Variants in LSAMP observed in about 807,000 individuals in gnomAD.
The protein encoded by LSAMP is limbic system-associated membrane protein.
In LSAMP, 7 loss-of-function variants were observed where a neutral mutation model predicts 38.6. That is an observed-to-expected ratio of 0.18 (90% CI 0.10 to 0.34). LSAMP has a LOEUF of 0.34. Among genes scored for constraint, LSAMP ranks in the 10% least tolerant of loss-of-function variants. The pLI is 1.00. For missense variants in LSAMP, 313 were observed against 420.0 expected (o/e 0.75, Z 2.23); for synonymous variants, 154 against 166.8 (o/e 0.92, Z 0.59).
intron 2 of LSAMP, among the ~76,000 whole-genome samples, chr3:116,039,366 T>C (rs1158638564): frequency 6.6e-6 from 1 of 152,248 alleles, no homozygotes; most frequent in African/African-American, 2.4e-5. Context: ...ACCCTGCTTA[T>C]ACAATTTCAT....
intron 2 of LSAMP, among the ~76,000 whole-genome samples, chr3:116,028,067 T>TAA (rs1397765465): frequency 6.6e-6 from 1 of 152,160 alleles, no homozygotes; most frequent in African/African-American, 2.4e-5. Context: ...CCTGTTTATT[T>TAA]GCATATGTCA....
intron 3 of LSAMP, among the ~76,000 whole-genome samples, chr3:116,000,014 A>G (rs950741046): frequency 1.3e-5 from 2 of 152,092 alleles, no homozygotes; most frequent in African/African-American, 4.8e-5. Flanking sequence ...GTGTGTGTGC[A>G]TGTATCTGTG....
chr3:116,171,574 C>A (rs77102742), intron 1 of LSAMP, among the ~76,000 whole-genome samples: 2,047 of 152,090 alleles, frequency 0.013, 35 homozygotes, highest in African/African-American at 0.04. Context: ...CATATTTTTG[C>A]CAGCAAGTAT....
At chr3:116,357,084 C>T (rs535064725) in intron 1 of LSAMP, among the ~76,000 whole-genome samples, 12 of 152,286 alleles carry the variant, frequency 7.9e-5, no homozygotes, top group African/African-American at 2.2e-4. Context: ...TGAGCCATCG[C>T]GCCCGGCTAG....
At chr3:116,366,891 T>C (rs756038677) in intron 1 of LSAMP, among the ~76,000 whole-genome samples, 21 of 152,150 alleles carry the variant, frequency 1.4e-4, no homozygotes, top group Non-Finnish European at 2.6e-4. Context: ...CCACATTATC[T>C]TCCTGAGCCA....
At chr3:115,834,458 T>A (rs1934718093) in intron 6 of LSAMP, 1 of 863,168 alleles carries the variant, frequency 1.2e-6, no homozygotes, top group Admixed American at 2.4e-5. Context: ...TTATATTGTA[T>A]GTGAATTTTT....
intron 1 of LSAMP, among the ~76,000 whole-genome samples, chr3:116,284,067 G>T (rs1167369806): frequency 6.6e-6 from 1 of 152,114 alleles, no homozygotes; most frequent in Non-Finnish European, 1.5e-5. Context: ...ATATAAGTTT[G>T]TGATTGTTTT....
At chr3:115,924,751 A>G (rs1937460223) in intron 3 of LSAMP, among the ~76,000 whole-genome samples, 1 of 152,184 alleles carries the variant, frequency 6.6e-6, no homozygotes, top group African/African-American at 2.4e-5. Flanking sequence ...ATGCTTAAAT[A>G]AATGTCGGGT....
chr3:115,814,724 G>A (rs576656714), intron 6 of LSAMP, among the ~76,000 whole-genome samples: 1 of 152,136 alleles, frequency 6.6e-6, no homozygotes, highest in African/African-American at 2.4e-5. Context: ...TCAGCCATAC[G>A]AGAAAAAAAG....
chr3:115,916,150 G>A (rs1937246717), intron 3 of LSAMP, among the ~76,000 whole-genome samples: 1 of 152,030 alleles, frequency 6.6e-6, no homozygotes, highest in African/African-American at 2.4e-5. Flanking sequence ...AGCAGACAAA[G>A]AAGGCCACAG....
intron 1 of LSAMP, among the ~76,000 whole-genome samples, chr3:116,436,448 A>G (rs1277055806): frequency 2.0e-5 from 3 of 152,202 alleles, no homozygotes; most frequent in African/African-American, 4.8e-5. Context: ...CAATCTATAC[A>G]TCTGACAAAG....
intron 3 of LSAMP, among the ~76,000 whole-genome samples, chr3:116,001,935 T>C (rs899910484): frequency 2.0e-5 from 3 of 152,218 alleles, no homozygotes; most frequent in African/African-American, 7.2e-5. Flanking sequence ...GAGGTTCAAA[T>C]ATAGACATCT....
intron 1 of LSAMP, among the ~76,000 whole-genome samples, chr3:116,306,810 G>C (rs113320572): frequency 0.011 from 1,640 of 152,124 alleles, 7 homozygotes; most frequent in Non-Finnish European, 0.017. Flanking sequence ...CAGCAATAAA[G>C]GGGTATAACT....
At chr3:116,248,202 G>A (rs2046627820) in intron 1 of LSAMP, among the ~76,000 whole-genome samples, 1 of 152,148 alleles carries the variant, frequency 6.6e-6, no homozygotes, top group Non-Finnish European at 1.5e-5. Context: ...TTGGGAGCAG[G>A]GAAGGGCCAT....
chr3:116,418,873 C>T (rs905428147), intron 1 of LSAMP, among the ~76,000 whole-genome samples: 2 of 152,176 alleles, frequency 1.3e-5, no homozygotes, highest in South Asian at 2.1e-4. Flanking sequence ...TTTACCCCTT[C>T]GCTCATGGTC....
chr3:116,114,287 G>T (rs936545823), intron 1 of LSAMP, among the ~76,000 whole-genome samples: 8 of 152,090 alleles, frequency 5.3e-5, no homozygotes, highest in Admixed American at 3.9e-4. Context: ...TGGTGCCTTC[G>T]GTTTTTCACA....
intron 1 of LSAMP, among the ~76,000 whole-genome samples, chr3:116,381,491 A>G (rs1221849311): frequency 1.3e-5 from 2 of 152,134 alleles, no homozygotes; most frequent in African/African-American, 4.8e-5. Context: ...CCACAGTAAA[A>G]TATTTTTTTC....
intron 2 of LSAMP, among the ~76,000 whole-genome samples, chr3:116,023,622 A>G (rs1178254849): frequency 1.3e-5 from 2 of 151,692 alleles, no homozygotes; most frequent in Non-Finnish European, 2.9e-5. Context: ...AAAAAAAAAA[A>G]AACGGTTTCT....
chr3:116,092,317 G>T (rs1365142985), intron 1 of LSAMP, among the ~76,000 whole-genome samples: 1 of 151,990 alleles, frequency 6.6e-6, no homozygotes, highest in Non-Finnish European at 1.5e-5. Context: ...TGAAAGTAAA[G>T]GAGAGAAAAA....
Sources: allele counts gnomAD v4.1 joint callset (sites outside exome capture counted in the v4.1 genomes callset), GRCh38; gene constraint gnomAD v4.1.1; transcripts MANE v1.5; gene names NCBI Gene and HGNC (gene_info 2026-07-23, HGNC 2026-07-21).